The following TRRAP variants were observed in gnomAD, a reference collection of about 807,000 sequenced individuals.
TRRAP encodes the protein transformation/transcription domain associated protein.
In TRRAP, 41 loss-of-function variants were observed where a neutral mutation model predicts 438.8. That is an observed-to-expected ratio of 0.09 (90% CI 0.07 to 0.12). The LOEUF (loss-of-function observed/expected upper bound fraction) is 0.12, where lower values mean the gene tolerates loss of function less well. Among genes scored for constraint, TRRAP ranks in the 10% least tolerant of loss-of-function variants. TRRAP has a pLI of 1.00. For synonymous variants in TRRAP, 1,994 were observed against 1,962.9 expected (o/e 1.02, Z -0.42); for missense variants, 3,122 against 5,055.1 (o/e 0.62, Z 11.60).
At chr7:98,953,635 G>A (rs1215068208) in intron 40 of TRRAP, among the ~76,000 whole-genome samples, 2 of 152,170 alleles carry the variant, frequency 1.3e-5, no homozygotes, top group Non-Finnish European at 2.9e-5. Context: ...TAGAGATTGC[G>A]GGGGTTGGGG....
At chr7:98,955,486 A>G (rs1791557105) in intron 41 of TRRAP, among the ~76,000 whole-genome samples, 182 bp downstream of exon 41, 2 of 152,244 alleles carry the variant, frequency 1.3e-5, no homozygotes. Context: ...GCTGTAATAT[A>G]GAGAATATGT....
chr7:98,960,411 CTG>C (rs1791835289), intron 45 of TRRAP, among the ~76,000 whole-genome samples: 4 of 152,140 alleles, frequency 2.6e-5, no homozygotes, highest in Non-Finnish European at 5.9e-5. Context: ...ACTTGTTATT[CTG>C]GACTGCAAAG....
chr7:98,965,846 A>G lies in TRRAP; in HGVS notation c.7127A>G (p.Lys2376Arg). The G allele has an allele frequency of 6.2e-7, 1 of 1,614,188 alleles. No homozygotes were observed. Among genetic ancestry groups the G allele is most frequent in the Non-Finnish European group, 8.5e-7 (1 of 1,180,034 alleles). The change falls in exon 49 of 73, where the codon AAA becomes AGA. Residue 2376 changes from lysine to arginine, a missense_variant. Physicochemically the swap from Lys to Arg is conservative, Grantham distance 26 (BLOSUM62 2). Coordinates refer to ENST00000456197, the MANE Select transcript of TRRAP (RefSeq NM_001375524.1). ...GCCAAAATCCTCCGGGCTGTGGTCA[A>G]AATCGTGGAAGAATGGGTCAAGAAT... ...PDAKILRAVVKIVEEWVKNNS... is the reference protein window; with the variant it reads ...PDAKILRAVVRIVEEWVKNNS...
At chr7:98,944,569 G>A (rs1389808982) in intron 31 of TRRAP, among the ~76,000 whole-genome samples, 4 of 152,238 alleles carry the variant, frequency 2.6e-5, no homozygotes, top group African/African-American at 9.6e-5. Context: ...GTGTTTGGGG[G>A]CTTGTCTGAA....
At chr7:98,940,341 G>A (rs1027862692) in intron 30 of TRRAP, among the ~76,000 whole-genome samples, 13 of 151,586 alleles carry the variant, frequency 8.6e-5, no homozygotes, top group South Asian at 2.1e-4. Context: ...GGCACCTGCC[G>A]CCACGCCCAG....
intron 58 of TRRAP, among the ~76,000 whole-genome samples, chr7:98,980,151 A>G (rs1392798184): frequency 6.6e-6 from 1 of 152,210 alleles, no homozygotes; most frequent in Non-Finnish European, 1.5e-5. Context: ...AAGAGGTACC[A>G]TGAATGTGCT....
At chr7:98,993,121 G>C (rs995108834) in intron 65 of TRRAP, among the ~76,000 whole-genome samples, 2 of 152,172 alleles carry the variant, frequency 1.3e-5, no homozygotes, top group Non-Finnish European at 2.9e-5. Context: ...TGAGTTTATA[G>C]TAGCAAGGAA....
rs1790621154 is a variant in TRRAP, at chr7:98,937,781, C to G, written c.4365C>G (p.Phe1455Leu). 6.2e-7 allele frequency: 1 copy of G among 1,613,648 alleles called. No individual in the cohort carries two copies. Residue 1455 changes from phenylalanine to leucine, a missense_variant, in exon 30 of 73, where the codon TTC becomes TTG. Physicochemically the swap from Phe to Leu is conservative, Grantham distance 22. Around this residue, in one of 24 missense-constraint regions of TRRAP, gnomAD observed 108 missense variants for 256.9 expected, o/e 0.42. Transcript: ENST00000456197. ...GCCTGACTTCGGTCACGAGGCTCTT[C>G]CCAAATTCCTTCAATGATAAATTTT... is the stretch of plus-strand genomic sequence containing the variant. ...VNRLTSVTRL[F>L]PNSFNDKFCD...
intron 64 of TRRAP, 105 bp downstream of exon 64, chr7:98,990,724 A>C (rs1793396137): frequency 4.6e-6 from 6 of 1,310,452 alleles, no homozygotes; most frequent in Non-Finnish European, 6.2e-6. Context: ...AAGTATTAAA[A>C]ACAAGTTAAA....
intron 11 of TRRAP, among the ~76,000 whole-genome samples, chr7:98,901,684 G>C (rs782454796): frequency 6.6e-6 from 1 of 152,142 alleles, no homozygotes; most frequent in Non-Finnish European, 1.5e-5. Context: ...GAGTAGCTAG[G>C]ATTACAGGCA....
At position 98,925,171 on chromosome 7, in the gene TRRAP, G is replaced by A; in HGVS notation, c.2883G>A (p.Arg961=). 1 of 1,614,220 alleles carries A rather than the reference G, an allele frequency of 6.2e-7. No homozygotes were observed. Among genetic ancestry groups the A allele is most frequent in the Non-Finnish European group, 8.5e-7 (1 of 1,180,044 alleles). The change falls in exon 22 of 73, where the codon AGG becomes AGA. Residue 961 remains arginine, a synonymous_variant. Transcript: ENST00000456197. ...CCAACACTGAGCCCTACTACCGGAG[G>A]CAGGCGTGGGAAGTGATCAAATGCT... The part of the protein sequence containing the change: ...KSANTEPYYR[R]QAWEVIKCFL...
intron 59 of TRRAP, among the ~76,000 whole-genome samples, chr7:98,982,788 A>C (rs1304576295): frequency 6.6e-6 from 1 of 152,214 alleles, no homozygotes; most frequent in Non-Finnish European, 1.5e-5. Flanking sequence ...TATGGGTCCA[A>C]AGAGGTCATG....
chr7:98,881,740 C>CGT (rs1216369096), intron 2 of TRRAP: 20 of 462,152 alleles, frequency 4.3e-5, no homozygotes, highest in Middle Eastern at 3.0e-4. Context: ...CAAAGAGGCA[C>CGT]GTGTGTGTGT....
At position 99,012,090 on chromosome 7, in the gene TRRAP, C is replaced by T. The variant is rs944366448; in HGVS notation, c.11357C>T (p.Thr3786Met). 1 of 1,613,690 alleles carries T rather than the reference C, an allele frequency of 6.2e-7. No homozygotes were observed. Among genetic ancestry groups the T allele is most frequent in the Admixed American group, 1.7e-5 (1 of 60,028 alleles). ...ACGCAGGTGGATGGCATTCTGAAAA[C>T]GGTTCTCCGGGACGAGATCATTGCT... Reference protein sequence around the residue: ...PNFKVDGILKTVLRDEIIAWH... With the variant: ...PNFKVDGILKMVLRDEIIAWH... Residue 3786 changes from threonine (T) to methionine (M), a missense_variant, in exon 73 of 73, where the codon ACG becomes ATG. Coordinates refer to ENST00000456197, the MANE Select transcript of TRRAP (RefSeq NM_001375524.1). The surrounding 1 kb of genome is among the most constrained non-coding windows in gnomAD (Gnocchi z 5.9).
intron 3 of TRRAP, among the ~76,000 whole-genome samples, chr7:98,888,012 C>T (rs375774936): frequency 5.9e-5 from 9 of 151,852 alleles, no homozygotes; most frequent in East Asian, 5.9e-4. Context: ...CAGCAGATCA[C>T]GAGGTCAGGA....
Position 98,962,358 on chromosome 7 carries a change from G to A in TRRAP, c.6760G>A (p.Gly2254Arg), listed in dbSNP as rs1303405197. 6 of 1,614,158 alleles carry A rather than the reference G, an allele frequency of 3.7e-6. No individual in the cohort carries two copies. The highest frequency in any genetic ancestry group is 1.7e-5 in the Admixed American group (1 of 60,026). Residue 2254 changes from glycine to arginine, a missense_variant, in exon 47 of 73, where the codon GGA becomes AGA. By Grantham distance (125) the Gly-to-Arg change is moderately radical. Coordinates refer to ENST00000456197, the MANE Select transcript of TRRAP (RefSeq NM_001375524.1). ...EELECLYAAV[G>R]KVIYEGLTNY... ...GCTGGAGTGCCTCTACGCAGCCGTCGGAAAGGTCATCTATGAAGGGCTCAC... is the reference window on the plus strand; with the variant it reads ...GCTGGAGTGCCTCTACGCAGCCGTCAGAAAGGTCATCTATGAAGGGCTCAC...
intron 21 of TRRAP, among the ~76,000 whole-genome samples, chr7:98,923,906 G>A (rs1584317085): frequency 6.6e-6 from 1 of 152,216 alleles, no homozygotes; most frequent in Admixed American, 6.5e-5. Context: ...GTGTGGTTGT[G>A]TCTTCGCCAC....
At chr7:99,010,581 GAGTCTCTAGTACAGAGTTC>G (rs548423425) in intron 70 of TRRAP, among the ~76,000 whole-genome samples, 4,582 of 152,274 alleles carry the variant, frequency 0.03, 102 homozygotes, top group South Asian at 0.057. Flanking sequence ...AGTAGTCTAT[GAGTCTCTAGTACAGAGTTC>G]AGTCTCTCGT....
In TRRAP at chr7:98,950,972, C is replaced by A. The variant is rs782255764; in HGVS notation, c.5431C>A (p.Pro1811Thr). 8.7e-6 allele frequency: 14 copies of A among 1,608,514 alleles called. No individual in the cohort carries two copies. The highest frequency in any genetic ancestry group is 1.0e-5 in the Non-Finnish European group (12 of 1,178,102). Residue 1811 changes from proline to threonine, a missense_variant, in exon 39 of 73, where the codon CCA becomes ACA. This residue lies in a region of TRRAP where 272 missense variants were observed against 348.5 expected (regional missense o/e 0.78). Transcript: ENST00000456197. ...LGPPNPEGDN[P>T]ESITSVFITK... ...ACCTCCCAATCCAGAAGGAGATAAC[C>A]CAGAAAGCATCACCAGTGTGTTTAT...
Sources: allele counts gnomAD v4.1 joint callset (sites outside exome capture counted in the v4.1 genomes callset), GRCh38; gene constraint gnomAD v4.1.1; regional missense constraint gnomAD v4.1.1; non-coding constraint Gnocchi (gnomAD v3.1); transcripts MANE v1.5; gene names NCBI Gene and HGNC (gene_info 2026-07-23, HGNC 2026-07-21).